The following ACTG2 variants were observed in gnomAD, a reference collection of about 807,000 sequenced individuals.
ACTG2 encodes actin, gamma-enteric smooth muscle.
A neutral mutation model predicts 37.6 loss-of-function variants in ACTG2; 16 were observed. The observed-to-expected ratio is 0.43, with a 90% CI of 0.29 to 0.65. The LOEUF (loss-of-function observed/expected upper bound fraction) is 0.65, where lower values mean the gene tolerates loss of function less well. ACTG2 is among the 30% of genes least tolerant of loss of function. The probability of loss-of-function intolerance (pLI) is 0.18; values close to 1 mark genes in which losing one functional copy is unlikely to be tolerated. For synonymous variants in ACTG2, 181 were observed against 179.9 expected (o/e 1.01, Z -0.05); for missense variants, 238 against 490.9 (o/e 0.48, Z 4.87).
intron 1 of ACTG2, among the ~76,000 whole-genome samples, chr2:73,900,394 TACAG>T (rs1679850109): frequency 6.6e-6 from 1 of 152,170 alleles, no homozygotes. Context: ...AAGAAAAAGA[TACAG>T]GAAGGAAGGA....
chr2:73,902,288 C>T (rs943054474), intron 2 of ACTG2, 72 bp from the exon 3 acceptor site: 1 of 1,546,546 alleles, frequency 6.5e-7, no homozygotes. Flanking sequence ...CTTCAGAGAC[C>T]TTCCAGTGCC....
At chr2:73,902,699 T>C (rs1242230931) in intron 3 of ACTG2, 2 of 1,551,522 alleles carry the variant, frequency 1.3e-6, no homozygotes, top group African/African-American at 1.4e-5. Context: ...GGCTGATTTC[T>C]TGGTCTCTTG....
Position 73,902,114 on chromosome 2 carries a change from C to A in ACTG2, c.127-246C>A, listed in dbSNP as rs370870447. On this transcript the variant is annotated intron_variant, in intron 2 of 8. Coordinates refer to ENST00000345517, the MANE Select transcript of ACTG2 (RefSeq NM_001615.4). The stretch of plus-strand genomic sequence containing the variant: ...AGTGTATGGGAGGGGCTTGTTTTAT[C>A]TCAGAAAACATCGTTGTCTGAAGAG... 6.6e-5 allele frequency among the ~76,000 whole-genome samples: 10 copies of A among 151,598 alleles called. No individual in the cohort carries two copies. In the East Asian group the frequency reaches 1.7e-3, roughly 26 times the overall value.
intron 3 of ACTG2, among the ~76,000 whole-genome samples, chr2:73,903,963 A>AC (rs1487941012): frequency 1.3e-5 from 2 of 149,118 alleles, no homozygotes; most frequent in Non-Finnish European, 3.0e-5. Flanking sequence ...AAAAAAACAA[A>AC]AAAAAAACCA....
At chr2:73,899,474 T>C (rs1679829739) in intron 1 of ACTG2, among the ~76,000 whole-genome samples, 1 of 151,962 alleles carries the variant, frequency 6.6e-6, no homozygotes, top group Admixed American at 6.6e-5. Context: ...AAAATATATA[T>C]ATATATATCT....
chr2:73,919,818 C>A lies in ACTG2; in HGVS notation c.*243C>A. ...GAGGCTCAGAGAAGTCAAGGACTTGCGAAGATCACACAGATTCCAGATTAA... is the reference window on the plus strand; with the variant it reads ...GAGGCTCAGAGAAGTCAAGGACTTGAGAAGATCACACAGATTCCAGATTAA... On this transcript the variant is annotated 3_prime_UTR_variant, in exon 9 of 9. Transcript: ENST00000345517. 5.7e-6 allele frequency: 2 copies of A among 348,840 alleles called. No individual in the cohort carries two copies. The highest frequency in any genetic ancestry group is 1.0e-5 in the Non-Finnish European group (2 of 195,700). The allele number at this position is 348,840 out of a possible 1,614,324, so 21.6% of individuals were successfully genotyped here.
intron 3 of ACTG2, chr2:73,902,837 C>T: frequency 6.9e-7 from 1 of 1,446,540 alleles, no homozygotes; most frequent in South Asian, 1.3e-5. Flanking sequence ...GGGTTCCTAA[C>T]TCCCCGTCTT....
intron 5 of ACTG2, among the ~76,000 whole-genome samples, chr2:73,910,572 C>T (rs1680110816): frequency 6.7e-6 from 1 of 148,808 alleles, no homozygotes; most frequent in South Asian, 2.1e-4. Flanking sequence ...GATCTCAGCT[C>T]ACTGCAACCT....
At chr2:73,910,800 G>T (rs950931034) in intron 5 of ACTG2, among the ~76,000 whole-genome samples, 1 of 152,052 alleles carries the variant, frequency 6.6e-6, no homozygotes, top group African/African-American at 2.4e-5. Context: ...CTGATCTCAA[G>T]TGATCTGCCC....
intron 6 of ACTG2, among the ~76,000 whole-genome samples, chr2:73,914,286 G>A (rs1621127): frequency 0.57 from 87,291 of 151,856 alleles, 25,393 homozygotes; most frequent in Admixed American, 0.67. Context: ...GAGGCCAGGC[G>A]TGGTGGCTCA....
At position 73,916,702 on chromosome 2, in the gene ACTG2, T is replaced by A; in HGVS notation, c.924T>A (p.Pro308=). ...NVLSGGTTMY[P]GIADRMQKEI... is the part of the protein sequence containing the mutation. ...TCTCTGGGGGCACCACCATGTACCC[T>A]GGCATTGCTGACAGGATGCAGAAGG... Residue 308 remains proline (P), a synonymous_variant, in exon 8 of 9, where the codon CCT becomes CCA. Coordinates refer to ENST00000345517, the MANE Select transcript of ACTG2 (RefSeq NM_001615.4). 4 of 1,614,172 alleles carry A rather than the reference T, an allele frequency of 2.5e-6. No individual in the cohort carries two copies. In the South Asian group the frequency reaches 4.4e-5, roughly 18 times the overall value.
intron 1 of ACTG2, among the ~76,000 whole-genome samples, chr2:73,898,104 C>T (rs1370113073): frequency 6.6e-6 from 1 of 152,056 alleles, no homozygotes; most frequent in Non-Finnish European, 1.5e-5. Context: ...AGAACACAGA[C>T]CCTTTTGTTT....
chr2:73,899,545 A>G (rs1303906846), intron 1 of ACTG2, among the ~76,000 whole-genome samples: 2 of 151,992 alleles, frequency 1.3e-5, no homozygotes, highest in African/African-American at 4.8e-5. Context: ...TCTTTCACCC[A>G]GTGTATTTAA....
intron 1 of ACTG2, among the ~76,000 whole-genome samples, chr2:73,894,069 A>G (rs969976466): frequency 2.6e-5 from 4 of 152,200 alleles, no homozygotes; most frequent in African/African-American, 9.7e-5. Flanking sequence ...GCGTATATAC[A>G]GCACTCAGCT....
chr2:73,905,174 T>G (rs1038317791), intron 3 of ACTG2, among the ~76,000 whole-genome samples: 4 of 152,136 alleles, frequency 2.6e-5, no homozygotes, highest in Admixed American at 1.3e-4. Flanking sequence ...AATCTTGGTT[T>G]ATAGCCCTAA....
At chr2:73,918,748 T>C (rs188057424) in intron 8 of ACTG2, among the ~76,000 whole-genome samples, 56 of 152,328 alleles carry the variant, frequency 3.7e-4, no homozygotes, top group African/African-American at 1.3e-3. Flanking sequence ...AATTGGCTGA[T>C]GACAGATAGC....
At chr2:73,914,577 A>AT in intron 6 of ACTG2, 103 bp from the exon 7 acceptor site, 9 of 820,758 alleles carry the variant, frequency 1.1e-5, no homozygotes, top group African/African-American at 1.8e-5. Flanking sequence ...AAAAAAAAAA[A>AT]GAATAAAGTA....
intron 3 of ACTG2, among the ~76,000 whole-genome samples, chr2:73,904,340 A>C (rs1679959814): frequency 6.6e-6 from 1 of 152,030 alleles, no homozygotes; most frequent in African/African-American, 2.4e-5. Context: ...CAGTAGTGAC[A>C]ACATGTGAAC....
intron 3 of ACTG2, chr2:73,902,829 G>A (rs1399960103): frequency 5.4e-6 from 8 of 1,473,508 alleles, no homozygotes; most frequent in Non-Finnish European, 6.4e-6. Flanking sequence ...CCAACAGGGG[G>A]TTCCTAACTC....
Sources: allele counts gnomAD v4.1 joint callset (sites outside exome capture counted in the v4.1 genomes callset), GRCh38; gene constraint gnomAD v4.1.1; transcripts MANE v1.5; gene names NCBI Gene and HGNC (gene_info 2026-07-23, HGNC 2026-07-21).